SLC6A18: variants seen among roughly 807,000 people sequenced by gnomAD.
SLC6A18 encodes inactive sodium-dependent neutral amino acid transporter B(0)AT3.
In SLC6A18, 58 loss-of-function variants were observed where a neutral mutation model predicts 62.9. That is an observed-to-expected ratio of 0.92 (90% CI 0.75 to 1.15). The LOEUF (loss-of-function observed/expected upper bound fraction) is 1.15, where lower values mean the gene tolerates loss of function less well. Among genes scored for constraint, SLC6A18 ranks in the 50% most tolerant of loss-of-function variants. The pLI is 0.00. For synonymous variants in SLC6A18, 382 were observed against 365.8 expected, an observed-to-expected ratio of 1.04 and a Z score of -0.51; for missense variants, 793 against 836.6, an observed-to-expected ratio of 0.95 and a Z score of 0.64.
In SLC6A18 at chr5:1,241,588, C is replaced by G. The variant is rs576843180; in HGVS notation, c.974+929C>G. 6.6e-6 allele frequency among the ~76,000 whole-genome samples: 1 copy of G among 152,252 alleles called. No homozygotes were observed. The highest frequency in any genetic ancestry group is 6.5e-5 in the Admixed American group (1 of 15,298). ...ACGGGGACGTCACCAAGAAAACGCA[C>G]ACAAAAGTGGAAAACATGGCACTCA... is the stretch of plus-strand genomic sequence containing the variant. On this transcript the variant is annotated intron_variant, in intron 7 of 11. Coordinates refer to ENST00000324642, the MANE Select transcript of SLC6A18 (RefSeq NM_182632.3). The surrounding 1 kb of genome is among the most constrained non-coding windows in gnomAD (Gnocchi z 7.8).
intron 7 of SLC6A18, 63 bp downstream of exon 7, chr5:1,240,722 C>T (rs1362379503): frequency 5.0e-6 from 8 of 1,599,792 alleles, no homozygotes; most frequent in South Asian, 1.1e-5. Context: ...CCTGCCGCAC[C>T]GAGAATCCCA....
chr5:1,235,766 G>A, intron 4 of SLC6A18, 104 bp downstream of exon 4: 2 of 1,169,774 alleles, frequency 1.7e-6, no homozygotes, highest in African/African-American at 1.6e-5. Flanking sequence ...CTTGCGAGGG[G>A]CATAAACATC....
In SLC6A18 at chr5:1,242,692, T is replaced by C; in HGVS notation, c.975-15T>C. On this transcript the variant is annotated splice_polypyrimidine_tract_variant and intron_variant, in intron 7 of 11. Coordinates refer to ENST00000324642, the MANE Select transcript of SLC6A18 (RefSeq NM_182632.3). Reference sequence around the variant, plus strand: ...AACCAGGGCCATGAGCCCACAGTCCTCTCTGTCCCCGCAGAAACATCCTCA... The same window carrying C: ...AACCAGGGCCATGAGCCCACAGTCCCCTCTGTCCCCGCAGAAACATCCTCA... 1 of 1,592,440 alleles carries C rather than the reference T, an allele frequency of 6.3e-7. No individual in the cohort carries two copies. Among genetic ancestry groups the C allele is most frequent in the Non-Finnish European group, 8.6e-7 (1 of 1,165,886 alleles).
At chr5:1,230,723 C>A (rs770097469) in intron 1 of SLC6A18, among the ~76,000 whole-genome samples, 1 of 152,150 alleles carries the variant, frequency 6.6e-6, no homozygotes, top group Non-Finnish European at 1.5e-5. Context: ...AGATGCCAGG[C>A]GCGGAGACGC....
intron 1 of SLC6A18, among the ~76,000 whole-genome samples, chr5:1,229,157 G>A (rs1007695296): frequency 6.6e-6 from 1 of 152,000 alleles, no homozygotes; most frequent in African/African-American, 2.4e-5. Context: ...TAATGCAGCC[G>A]CTGTACCACA....
At chr5:1,240,453 C>A in intron 6 of SLC6A18, 78 bp from the exon 7 acceptor site, 6 of 1,580,094 alleles carry the variant, frequency 3.8e-6, no homozygotes, top group East Asian at 2.3e-5. Context: ...AGGAGGGAAG[C>A]CCCCTCCTCA....
rs984495654 is a variant in SLC6A18, at chr5:1,237,798, C to T, written c.622-152C>T. The stretch of plus-strand genomic sequence containing the variant: ...CCCTGAGCCTGCACCCCACCATCCC[C>T]CAAGGTGCACCCCCATCCGTCCTGG... On this transcript the variant is annotated intron_variant, in intron 4 of 11. Transcript: ENST00000324642. The T allele has an allele frequency of 1.3e-5, 8 of 627,312 alleles. No individual in the cohort carries two copies. In the African/African-American group the frequency reaches 1.5e-4, roughly 12 times the overall value. 38.9% of individuals were successfully genotyped at this position (627,312 alleles called of 1,614,324 possible). A position where few individuals can be genotyped will look rare whatever the true frequency, so the allele number is the denominator to read the frequency against.
chr5:1,227,810 C>T (rs547480404), intron 1 of SLC6A18, among the ~76,000 whole-genome samples: 76 of 152,310 alleles, frequency 5.0e-4, no homozygotes, highest in African/African-American at 1.8e-3. Flanking sequence ...ATCAAAGGAA[C>T]GTAGACTCGT....
At chr5:1,231,483 C>T (rs1746729217) in intron 1 of SLC6A18, among the ~76,000 whole-genome samples, 1 of 152,138 alleles carries the variant, frequency 6.6e-6, no homozygotes, top group South Asian at 2.1e-4. Flanking sequence ...AAAGATGGTT[C>T]CAGTTCCCAG....
At position 1,235,531 on chromosome 5, in the gene SLC6A18, C is replaced by T. The variant is rs372833521; in HGVS notation, c.490C>T (p.Arg164Trp). Residue 164 changes from arginine (R) to tryptophan (W), a missense_variant, in exon 4 of 12, where the codon CGG becomes TGG. Transcript: ENST00000324642. ...GSSAVSYFWY[R>W]QTLNITADIN... ...CAGCGCCGTGAGCTACTTCTGGTAC[C>T]GGCAGACACTGAACATCACAGCCGA... 5.5e-5 allele frequency: 88 copies of T among 1,613,926 alleles called. No homozygotes were observed. The highest frequency in any genetic ancestry group is 1.3e-4 in the Admixed American group (8 of 60,008).
At chr5:1,226,962 TTGCCCACCGAC>T (rs1746588890) in intron 1 of SLC6A18, among the ~76,000 whole-genome samples, 1 of 69,644 alleles carries the variant, frequency 1.4e-5, no homozygotes, top group Non-Finnish European at 3.5e-5. Context: ...GCCCAACGCC[TTGCCCACCGAC>T]GCCTTGCCCA....
At chr5:1,232,990 CCGCGGGGGGAGGGCCGGGGAA>C in intron 3 of SLC6A18, 102 bp downstream of exon 3, 2 of 1,488,282 alleles carry the variant, frequency 1.3e-6, no homozygotes, top group Non-Finnish European at 1.8e-6. Context: ...CGGATGCTCA[CCGCGGGGGGAGGGCCGGGGAA>C]CCGGTTGCTC....
chr5:1,228,005 G>A (rs972883483), intron 1 of SLC6A18, among the ~76,000 whole-genome samples: 1 of 152,172 alleles, frequency 6.6e-6, no homozygotes, highest in African/African-American at 2.4e-5. Context: ...GTGTTCAACC[G>A]ACTTCTGTAT....
chr5:1,242,969 C>T, intron 8 of SLC6A18, 106 bp downstream of exon 8: 2 of 1,289,878 alleles, frequency 1.6e-6, no homozygotes, highest in Non-Finnish European at 1.1e-6. Context: ...TCCCACAGAC[C>T]CAGGGCCAGG....
At chr5:1,244,504 C>T in intron 10 of SLC6A18, 104 bp from the exon 11 acceptor site, 1 of 1,546,624 alleles carries the variant, frequency 6.5e-7, no homozygotes, top group East Asian at 2.3e-5. Context: ...GCTGCCGAGG[C>T]ACCAGAGGGT....
intron 3 of SLC6A18, 127 bp downstream of exon 3, chr5:1,233,015 G>C: frequency 7.3e-7 from 1 of 1,378,772 alleles, no homozygotes; most frequent in Non-Finnish European, 9.7e-7. Context: ...CGGGGAACCG[G>C]TTGCTCTGTG....
intron 3 of SLC6A18, among the ~76,000 whole-genome samples, chr5:1,233,556 C>G (rs565660966): frequency 6.6e-6 from 1 of 150,984 alleles, no homozygotes; most frequent in Non-Finnish European, 1.5e-5. Context: ...GGGAGATCCT[C>G]GAGACATGAA....
chr5:1,232,034 C>T (rs1746742610), intron 1 of SLC6A18, among the ~76,000 whole-genome samples, 185 bp from the exon 2 acceptor site: 1 of 152,196 alleles, frequency 6.6e-6, no homozygotes, highest in South Asian at 2.1e-4. Context: ...AGCAACCGAG[C>T]CAAAATCAGA....
Position 1,243,564 on chromosome 5 carries a change from G to A in SLC6A18, c.1141G>A (p.Gly381Ser), listed in dbSNP as rs770624023. The A allele has an allele frequency of 4.3e-6, 7 of 1,613,424 alleles. No homozygotes were observed. Among genetic ancestry groups the A allele is most frequent in the Non-Finnish European group, 5.9e-6 (7 of 1,179,980 alleles). ...LEDFLDKSASGPGLAFVVFTE... is the reference protein window; with the variant it reads ...LEDFLDKSASSPGLAFVVFTE... ...GCTCCGTGTATTGCAGAGTGCCTCG[G>A]GCCCGGGCCTGGCCTTCGTCGTCTT... is the stretch of plus-strand genomic sequence containing the variant. Residue 381 changes from glycine (G) to serine (S), a missense_variant, in exon 9 of 12, where the codon GGC becomes AGC. Coordinates refer to ENST00000324642, the MANE Select transcript of SLC6A18 (RefSeq NM_182632.3). The surrounding 1 kb of genome is among the most constrained non-coding windows in gnomAD (Gnocchi z 6.5).
Sources: gnomAD v4.1 joint callset for allele counts (sites outside exome capture counted in the v4.1 genomes callset) on GRCh38, gnomAD v4.1.1 for gene constraint, Gnocchi (gnomAD v3.1) non-coding constraint, MANE v1.5 for transcripts, NCBI Gene and HGNC (gene_info 2026-07-23, HGNC 2026-07-21) for gene names.